Variants in SLC8A1 observed in about 807,000 individuals in gnomAD.
The protein encoded by SLC8A1 is solute carrier family 8 member A1, also known as sodium/calcium exchanger 1.
SLC8A1 carries 18 observed loss-of-function variants against 68.3 expected under a neutral mutation model. The ratio of observed to expected loss-of-function variants is 0.26; its 90% CI spans 0.18 to 0.39. The LOEUF is 0.39. Ranked by LOEUF, SLC8A1 falls within the 10% of genes least tolerant of loss-of-function variation. The pLI is 1.00. For missense variants in SLC8A1, 985 were observed against 1,156.7 expected (o/e 0.85, Z 2.15); for synonymous variants, 475 against 415.5 (o/e 1.14, Z -1.74).
At chr2:40,350,896 G>T (rs12989852) in intron 2 of SLC8A1, among the ~76,000 whole-genome samples, 18 of 151,766 alleles carry the variant, frequency 1.2e-4, no homozygotes, top group African/African-American at 4.4e-4. Context: ...CATTTCATAG[G>T]TAAGAAAATT....
chr2:40,116,202 A>T (rs1191890193), intron 7 of SLC8A1, among the ~76,000 whole-genome samples: 1 of 152,236 alleles, frequency 6.6e-6, no homozygotes, highest in Non-Finnish European at 1.5e-5. Flanking sequence ...CAATAGTGGA[A>T]TTGAAAACAA....
At chr2:40,410,969 T>C (rs899107553) in intron 2 of SLC8A1, among the ~76,000 whole-genome samples, 2 of 152,026 alleles carry the variant, frequency 1.3e-5, no homozygotes, top group African/African-American at 4.8e-5. Context: ...ATGTGCCCTT[T>C]CTATAGTACT....
intron 1 of SLC8A1, among the ~76,000 whole-genome samples, chr2:40,490,876 C>A (rs1040382054): frequency 6.6e-6 from 1 of 151,962 alleles, no homozygotes; most frequent in African/African-American, 2.4e-5. Context: ...TCATATGCAT[C>A]GTACTGAGAT....
chr2:40,394,786 A>G (rs1480745989), intron 2 of SLC8A1, among the ~76,000 whole-genome samples: 3 of 152,100 alleles, frequency 2.0e-5, no homozygotes, highest in Non-Finnish European at 4.4e-5. Context: ...CCAAAAAGGA[A>G]CATATTAATC....
chr2:40,307,242 A>G (rs999724581), intron 2 of SLC8A1, among the ~76,000 whole-genome samples: 1 of 152,150 alleles, frequency 6.6e-6, no homozygotes, highest in Non-Finnish European at 1.5e-5. Context: ...AATCCCTGTC[A>G]CATGGTACAC....
At chr2:40,160,963 G>T (rs553205888) in intron 5 of SLC8A1, 99 bp from the exon 9 acceptor site, 2 of 798,436 alleles carry the variant, frequency 2.5e-6, no homozygotes, top group Non-Finnish European at 4.2e-6. Flanking sequence ...TATATAAAGG[G>T]TAGCAGATGT....
intron 3 of SLC8A1, among the ~76,000 whole-genome samples, chr2:40,176,547 G>C (rs540743883): frequency 2.0e-5 from 3 of 152,202 alleles, no homozygotes; most frequent in African/African-American, 7.2e-5. Flanking sequence ...AATAGGCCTT[G>C]AGTGCTCCTT....
chr2:40,472,473 C>CATCT, intron 1 of SLC8A1, among the ~76,000 whole-genome samples: 1 of 152,300 alleles, frequency 6.6e-6, no homozygotes, highest in Admixed American at 6.5e-5. Context: ...ACTGCACACT[C>CATCT]ATCTAGCTGT....
At chr2:40,436,383 T>C (rs1340408975) in intron 1 of SLC8A1, among the ~76,000 whole-genome samples, 3 of 152,140 alleles carry the variant, frequency 2.0e-5, no homozygotes, top group Non-Finnish European at 2.9e-5. Flanking sequence ...CACCCTAACA[T>C]GAGCAGAGTT....
intron 2 of SLC8A1, among the ~76,000 whole-genome samples, chr2:40,248,436 C>T (rs1438873324): frequency 6.6e-6 from 1 of 152,082 alleles, no homozygotes; most frequent in East Asian, 1.9e-4. Context: ...ACCATCACAC[C>T]ACCTGCAGGC....
intron 2 of SLC8A1, among the ~76,000 whole-genome samples, chr2:40,345,233 C>T (rs760503519): frequency 2.0e-5 from 3 of 152,124 alleles, no homozygotes; most frequent in African/African-American, 4.8e-5. Flanking sequence ...CAAGAAATTT[C>T]ACTAGGGGCC....
chr2:40,274,151 T>C (rs989715045), intron 2 of SLC8A1, among the ~76,000 whole-genome samples: 2 of 150,138 alleles, frequency 1.3e-5, no homozygotes, highest in Non-Finnish European at 3.0e-5. Context: ...GAACAGCCCT[T>C]GTGGATGGAA....
intron 2 of SLC8A1, among the ~76,000 whole-genome samples, chr2:40,237,300 A>C (rs2060527342): frequency 6.6e-6 from 1 of 151,844 alleles, no homozygotes; most frequent in Non-Finnish European, 1.5e-5. Flanking sequence ...GGCTTTGCTC[A>C]TTTCTTTTTA....
At chr2:40,456,798 T>C (rs1270867377), upstream of SLC8A1, among the ~76,000 whole-genome samples, 1 of 152,234 alleles carries the variant, frequency 6.6e-6, no homozygotes, top group Non-Finnish European at 1.5e-5. Flanking sequence ...AATTAGATTC[T>C]ACATAATCAG....
intron 2 of SLC8A1, among the ~76,000 whole-genome samples, chr2:40,268,371 T>G (rs1047278932): frequency 5.9e-5 from 9 of 152,304 alleles, no homozygotes; most frequent in African/African-American, 2.2e-4. Flanking sequence ...AAAGTAAAGT[T>G]TGAGAAACAT....
chr2:40,183,106 G>A (rs1225974314), intron 2 of SLC8A1, among the ~76,000 whole-genome samples: 1 of 152,168 alleles, frequency 6.6e-6, no homozygotes, highest in African/African-American at 2.4e-5. Flanking sequence ...AACAGCCCTA[G>A]AAGTAATTCC....
intron 1 of SLC8A1, among the ~76,000 whole-genome samples, chr2:40,509,515 G>A (rs1056569296): frequency 2.0e-5 from 3 of 148,084 alleles, no homozygotes; most frequent in African/African-American, 7.6e-5. Flanking sequence ...CTTTTCTGTG[G>A]GCCAAAATTT....
At chr2:40,145,371 C>T (rs1396510942) in intron 6 of SLC8A1, among the ~76,000 whole-genome samples, 1 of 152,164 alleles carries the variant, frequency 6.6e-6, no homozygotes, top group African/African-American at 2.4e-5. Context: ...AATCAAACAT[C>T]TTGGTTTGCC....
intron 2 of SLC8A1, among the ~76,000 whole-genome samples, chr2:40,245,355 T>A (rs2061728449): frequency 7.2e-6 from 1 of 138,496 alleles, no homozygotes; most frequent in African/African-American, 2.8e-5. Context: ...GTCCGTTAAA[T>A]ACATTCAAGT....
Sources: allele counts gnomAD v4.1 joint callset (sites outside exome capture counted in the v4.1 genomes callset), GRCh38; gene constraint gnomAD v4.1.1; transcripts MANE v1.5; gene names NCBI Gene and HGNC (gene_info 2026-07-23, HGNC 2026-07-21).